Variants in ADAMTS16 observed in about 807,000 individuals in gnomAD.
ADAMTS16 encodes the protein ADAM metallopeptidase with thrombospondin type 1 motif 16.
A neutral mutation model predicts 145.8 loss-of-function variants in ADAMTS16; 94 were observed. The ratio of observed to expected loss-of-function variants is 0.64; its 90% confidence interval spans 0.55 to 0.77. The LOEUF (loss-of-function observed/expected upper bound fraction) is 0.77. Ranked by LOEUF, ADAMTS16 falls within the 30% of genes least tolerant of loss-of-function variation. The probability of loss-of-function intolerance (pLI) is 0.00; values close to 1 mark genes in which losing one functional copy is unlikely to be tolerated. For missense variants in ADAMTS16, 1,585 were observed against 1,591.5 expected (o/e 1.00, Z 0.07); for synonymous variants, 659 against 604.3 (o/e 1.09, Z -1.33).
At chr5:5,212,876 G>T (rs1175336439) in intron 10 of ADAMTS16, among the ~76,000 whole-genome samples, 1 of 151,920 alleles carries the variant, frequency 6.6e-6, no homozygotes, top group Non-Finnish European at 1.5e-5. Context: ...CCTTTCTTCT[G>T]CCTTCTTTTA....
intron 11 of ADAMTS16, among the ~76,000 whole-genome samples, chr5:5,229,667 A>C (rs2913617): frequency 1 from 151,596 of 152,282 alleles, 75,461 homozygotes; most frequent in Middle Eastern, 1. Flanking sequence ...GAAACTCAAG[A>C]AACATTTCCA....
chr5:5,256,181 C>T (rs2126417565), intron 17 of ADAMTS16, among the ~76,000 whole-genome samples: 1 of 152,276 alleles, frequency 6.6e-6, no homozygotes, highest in Admixed American at 6.5e-5. Flanking sequence ...TACTGTCCCT[C>T]ATAAGAAGCA....
chr5:5,142,431 A>G (rs1734192949), intron 2 of ADAMTS16: 1 of 152,186 alleles, frequency 6.6e-6, no homozygotes, highest in African/African-American at 2.4e-5. Context: ...CACAGCACAC[A>G]CCCTCCTCCC....
In ADAMTS16 at chr5:5,202,294, C is replaced by T. The variant is rs550426945; in HGVS notation, c.1451+2025C>T. Among the ~76,000 whole-genome samples the T allele has an allele frequency of 2.0e-5, 3 of 152,214 alleles. No individual in the cohort carries two copies. The East Asian group carries it at 5.8e-4, about 29-fold the overall frequency. Reference sequence around the variant, plus strand: ...GTGTTTCATAGTTTATGCCACCCAGCATAAGTGGCAACAGTTTGGACGATA... The same window carrying T: ...GTGTTTCATAGTTTATGCCACCCAGTATAAGTGGCAACAGTTTGGACGATA... On this transcript the variant is annotated intron_variant, in intron 9 of 22. Transcript: ENST00000274181.
At chr5:5,151,758 A>ACTCTTTAAT (rs1734469209) in intron 3 of ADAMTS16, among the ~76,000 whole-genome samples, 1 of 149,886 alleles carries the variant, frequency 6.7e-6, no homozygotes, top group Non-Finnish European at 1.5e-5. Context: ...CCTAAAATCT[A>ACTCTTTAAT]CTCTTTAATC....
chr5:5,315,910 T>G (rs1161630597), intron 21 of ADAMTS16, among the ~76,000 whole-genome samples: 1 of 152,172 alleles, frequency 6.6e-6, no homozygotes, highest in Non-Finnish European at 1.5e-5. Flanking sequence ...CCCAGATAAG[T>G]TCCAGACACA....
intron 18 of ADAMTS16, among the ~76,000 whole-genome samples, chr5:5,299,607 C>A (rs1283390232): frequency 6.6e-6 from 1 of 152,006 alleles, no homozygotes; most frequent in African/African-American, 2.4e-5. Flanking sequence ...TTAGATGATA[C>A]CAGGAAATCC....
intron 11 of ADAMTS16, chr5:5,223,134 T>C (rs912048795): frequency 4.0e-6 from 2 of 503,398 alleles, no homozygotes; most frequent in Non-Finnish European, 7.2e-6. Flanking sequence ...CAACAGGTGA[T>C]GACAGATTCA....
intron 3 of ADAMTS16, among the ~76,000 whole-genome samples, chr5:5,176,989 TG>T (rs1372728956): frequency 6.6e-6 from 1 of 152,226 alleles, no homozygotes; most frequent in African/African-American, 2.4e-5. Context: ...ATTCCATCTA[TG>T]CCTATATCCA....
intron 6 of ADAMTS16, 86 bp downstream of exon 6, chr5:5,187,894 T>C: frequency 1.1e-6 from 1 of 909,570 alleles, no homozygotes; most frequent in Non-Finnish European, 1.7e-6. Flanking sequence ...ATAATTGTTC[T>C]ATGGGTTCTT....
chr5:5,182,641 G>A (rs59879667), intron 4 of ADAMTS16, among the ~76,000 whole-genome samples: 9,592 of 152,112 alleles, frequency 0.063, 705 homozygotes, highest in African/African-American at 0.18. Flanking sequence ...ATATTTTTGA[G>A]GTTTAGATTT....
intron 2 of ADAMTS16, among the ~76,000 whole-genome samples, chr5:5,141,363 G>T (rs1734165510): frequency 6.6e-6 from 1 of 152,182 alleles, no homozygotes; most frequent in Admixed American, 6.5e-5. Flanking sequence ...GCCACAATTT[G>T]ACATGAGGGC....
At chr5:5,288,008 T>G (rs1280753345) in intron 18 of ADAMTS16, among the ~76,000 whole-genome samples, 1 of 152,088 alleles carries the variant, frequency 6.6e-6, no homozygotes, top group African/African-American at 2.4e-5. Flanking sequence ...TTCTAAGTAT[T>G]AGTCTCAGAG....
rs1735918911 is a variant in ADAMTS16 at position 5,200,219 on chromosome 5, A to T, written c.1401A>T (p.Gly467=). Residue 467 remains glycine (G), a synonymous_variant, in exon 9 of 23, where the codon GGA becomes GGT. Transcript: ENST00000274181. ...CCCCTACATTGGCAGGACGCAATGG[A>T]GTCTTCTCCTGGTCACCCTGCAGCC... The part of the protein sequence containing the change: ...IMSPTLAGRN[G]VFSWSPCSRQ... 1 of 1,613,994 alleles carries T rather than the reference A, an allele frequency of 6.2e-7. No homozygotes were observed.
At chr5:5,236,301 C>CGCCTTT (rs1553993360) in intron 13 of ADAMTS16, among the ~76,000 whole-genome samples, 1,763 of 148,838 alleles carry the variant, frequency 0.012, 37 homozygotes, top group African/African-American at 0.041. Flanking sequence ...TGTCCCTCCC[C>CGCCTTT]TTTTTTTTTT....
chr5:5,157,369 T>C (rs1734628454), intron 3 of ADAMTS16, among the ~76,000 whole-genome samples: 1 of 151,990 alleles, frequency 6.6e-6, no homozygotes, highest in Admixed American at 6.6e-5. Context: ...TGTAAAATCT[T>C]AGCAGTTTTG....
chr5:5,178,461 C>G (rs1735254011), intron 3 of ADAMTS16, among the ~76,000 whole-genome samples: 1 of 152,138 alleles, frequency 6.6e-6, no homozygotes. Context: ...TGCAATTTAC[C>G]TTATCTTTTA....
chr5:5,309,242 T>A (rs895247828), intron 21 of ADAMTS16, among the ~76,000 whole-genome samples: 2 of 152,192 alleles, frequency 1.3e-5, no homozygotes, highest in Non-Finnish European at 2.9e-5. Context: ...CATCTCTGGA[T>A]TGTTAATAAT....
intron 3 of ADAMTS16, among the ~76,000 whole-genome samples, chr5:5,160,241 C>T (rs1303246425): frequency 2.0e-5 from 3 of 152,226 alleles, no homozygotes; most frequent in Non-Finnish European, 4.4e-5. Flanking sequence ...TTATCTTCAC[C>T]ATTCAGCACC....
Sources: allele counts gnomAD v4.1 joint callset (sites outside exome capture counted in the v4.1 genomes callset), GRCh38; gene constraint gnomAD v4.1.1; transcripts MANE v1.5; gene names NCBI Gene and HGNC (gene_info 2026-07-23, HGNC 2026-07-21).